The following ASB1 variants were observed in gnomAD, a reference collection of about 807,000 sequenced individuals.
The protein encoded by ASB1 is ankyrin repeat and SOCS box containing 1.
Under a neutral mutation model 27.7 loss-of-function variants are expected in ASB1, and 18 were observed. The observed-to-expected ratio is 0.65, with a 90% confidence interval of 0.45 to 0.96. The LOEUF (loss-of-function observed/expected upper bound fraction) is 0.96, where lower values mean the gene tolerates loss of function less well. ASB1 is among the 50% of genes least tolerant of loss of function. ASB1 has a pLI of 0.00. For missense variants in ASB1, 397 were observed against 451.7 expected (o/e 0.88, Z 1.10); for synonymous variants, 189 against 187.6 (o/e 1.01, Z -0.06).
chr2:238,427,182 G>C (rs1312239225), intron 1 of ASB1, 63 bp downstream of exon 1: 2 of 1,165,420 alleles, frequency 1.7e-6, no homozygotes, highest in African/African-American at 1.6e-5. Context: ...TGGCTCCGGC[G>C]TCCCTGCCGA....
rs1194851091 is a variant in ASB1, at chr2:238,449,940, C to G, written c.*3429C>G. 1 of 152,130 alleles carries G rather than the reference C, an allele frequency of 6.6e-6. No homozygotes were observed. Among genetic ancestry groups the G allele is most frequent in the Non-Finnish European group, 1.5e-5 (1 of 68,044 alleles). The allele number at this position is 152,130 out of a possible 1,614,324, so 9.4% of individuals were successfully genotyped here. A position where few individuals can be genotyped will look rare whatever the true frequency, so the allele number is the denominator to read the frequency against. On this transcript the variant is annotated 3_prime_UTR_variant, in exon 5 of 5. Transcript: ENST00000264607. Reference sequence around the variant, plus strand: ...AGAGAGACGCTTGGCCTGTGCTTTGCTGCCATCCGTGCGGCCTTGGCCACA... The same window carrying G: ...AGAGAGACGCTTGGCCTGTGCTTTGGTGCCATCCGTGCGGCCTTGGCCACA...
chr2:238,446,556 G>T lies in ASB1; in HGVS notation c.*45G>T, dbSNP rs746275175. On this transcript the variant is annotated 3_prime_UTR_variant, in exon 5 of 5. Coordinates refer to ENST00000264607, the MANE Select transcript of ASB1 (RefSeq NM_001040445.3). ...ATTCCAGTGAGGGAGAAAGTGATCT[G>T]CAGGGAGGTGGACACCGAGCCCTGA... The T allele has an allele frequency of 7.5e-6, 12 of 1,607,062 alleles. No homozygotes were observed. The East Asian group carries it at 2.2e-4, about 30-fold the overall frequency.
chr2:238,442,467 A>T (rs1363729082), intron 3 of ASB1, among the ~76,000 whole-genome samples: 1 of 152,132 alleles, frequency 6.6e-6, no homozygotes, highest in Non-Finnish European at 1.5e-5. Flanking sequence ...GAAGCTCTTT[A>T]TACGTTAAGG....
At chr2:238,444,192 GCTAT>G in intron 3 of ASB1, 146 bp from the exon 4 acceptor site, 1 of 711,304 alleles carries the variant, frequency 1.4e-6, no homozygotes, top group South Asian at 2.7e-5. Context: ...ACGTAGTGAA[GCTAT>G]CTGATCTGTG....
intron 1 of ASB1, among the ~76,000 whole-genome samples, chr2:238,432,992 C>G (rs577086651): frequency 6.6e-6 from 1 of 152,086 alleles, no homozygotes; most frequent in Non-Finnish European, 1.5e-5. Flanking sequence ...GTGATCTGCC[C>G]GCCTCGGCCT....
chr2:238,445,307 C>G (rs995819589), intron 4 of ASB1, among the ~76,000 whole-genome samples: 7 of 152,158 alleles, frequency 4.6e-5, no homozygotes, highest in Non-Finnish European at 5.9e-5. Flanking sequence ...TCCTTTTGCT[C>G]TGACCTGTGG....
At chr2:238,436,129 C>G (rs1035696080) in intron 3 of ASB1, 116 bp downstream of exon 3, 2 of 1,052,670 alleles carry the variant, frequency 1.9e-6, no homozygotes, top group Non-Finnish European at 2.6e-6. Context: ...GTTTTGCTGG[C>G]CTTTGTAAAG....
At chr2:238,440,292 A>G (rs539495320) in intron 3 of ASB1, among the ~76,000 whole-genome samples, 9 of 152,220 alleles carry the variant, frequency 5.9e-5, no homozygotes, top group Middle Eastern at 3.4e-3. Context: ...ATGCCCTCCT[A>G]TTGGACCAAG....
At chr2:238,442,212 G>A (rs1192111747) in intron 3 of ASB1, among the ~76,000 whole-genome samples, 3 of 150,490 alleles carry the variant, frequency 2.0e-5, no homozygotes, top group African/African-American at 4.9e-5. Flanking sequence ...TCCGCCTCCC[G>A]GGTTGAAGCA....
At chr2:238,430,139 T>A (rs959343552) in intron 1 of ASB1, among the ~76,000 whole-genome samples, 1 of 152,214 alleles carries the variant, frequency 6.6e-6, no homozygotes, top group African/African-American at 2.4e-5. Context: ...TAGATGACAG[T>A]GAAGTTTGCC....
rs1553626862 is a variant in ASB1, at chr2:238,451,452, G to GTGCCC, written c.*4955_*4959dup. On this transcript the variant is annotated 3_prime_UTR_variant, in exon 5 of 5. Transcript: ENST00000264607. ...AGTTGCTGCTGTAATTTAGCCAGCA[G>GTGCCC]TGCCCTGCCCTGCCCTGCAGTGTCT... 3 of 152,340 alleles carry GTGCCC rather than the reference G, an allele frequency of 2.0e-5. No individual in the cohort carries two copies. The highest frequency in any genetic ancestry group is 6.5e-5 in the Admixed American group (1 of 15,286). The allele number at this position is 152,340 out of a possible 1,614,324, so 9.4% of individuals were successfully genotyped here.
intron 1 of ASB1, among the ~76,000 whole-genome samples, chr2:238,430,979 T>G (rs1445500332): frequency 6.6e-6 from 1 of 152,242 alleles, no homozygotes; most frequent in East Asian, 1.9e-4. Flanking sequence ...TTTGGAATGG[T>G]GAATGAACAC....
chr2:238,426,995 A>C lies in ASB1; in HGVS notation c.-76A>C. Reference sequence around the variant, plus strand: ...GCCCCCCATTGCCCTCGGCGCCGGAAGTGGTCGCGGGTCGTTCTGCTTCCT... The same window carrying C: ...GCCCCCCATTGCCCTCGGCGCCGGACGTGGTCGCGGGTCGTTCTGCTTCCT... On this transcript the variant is annotated 5_prime_UTR_variant, in exon 1 of 5. Transcript: ENST00000264607. 8.6e-7 allele frequency: 1 copy of C among 1,159,442 alleles called. No homozygotes were observed. The allele number at this position is 1,159,442 out of a possible 1,614,324, so 71.8% of individuals were successfully genotyped here. A position where few individuals can be genotyped will look rare whatever the true frequency, so the allele number is the denominator to read the frequency against.
chr2:238,431,060 G>A (rs575054886), intron 1 of ASB1, among the ~76,000 whole-genome samples: 2 of 152,350 alleles, frequency 1.3e-5, no homozygotes, highest in East Asian at 1.9e-4. Flanking sequence ...AAGCTTTGAC[G>A]CTAGGCATTG....
chr2:238,434,868 A>G (rs1478159052), intron 2 of ASB1, among the ~76,000 whole-genome samples: 1 of 151,746 alleles, frequency 6.6e-6, no homozygotes, highest in African/African-American at 2.4e-5. Context: ...TCCCATTGCT[A>G]TTTGCTTCTT....
intron 4 of ASB1, among the ~76,000 whole-genome samples, chr2:238,445,387 A>G (rs991828425): frequency 6.6e-6 from 1 of 152,184 alleles, no homozygotes; most frequent in African/African-American, 2.4e-5. Flanking sequence ...ACAAATTGCA[A>G]GCGGGGCTTT....
chr2:238,430,100 C>T (rs966392146), intron 1 of ASB1, among the ~76,000 whole-genome samples: 1 of 152,158 alleles, frequency 6.6e-6, no homozygotes, highest in African/African-American at 2.4e-5. Context: ...ATTGATGGCT[C>T]CTGACTTATC....
intron 4 of ASB1, 67 bp downstream of exon 4, chr2:238,444,794 A>C: frequency 6.7e-7 from 1 of 1,486,992 alleles, no homozygotes; most frequent in Middle Eastern, 2.4e-4. Flanking sequence ...ATGTAGCAAT[A>C]AACAAAAAAC....
chr2:238,444,828 G>A lies in ASB1; in HGVS notation c.880+101G>A, dbSNP rs188721942. ...ACAAAAACCTCCACCTGAGCACTTG[G>A]CCAAAATCTTCAGTTAGAACTCGCA... On this transcript the variant is annotated intron_variant, in intron 4 of 4. Coordinates refer to ENST00000264607, the MANE Select transcript of ASB1 (RefSeq NM_001040445.3). 1,816 of 1,345,842 alleles carry A rather than the reference G, an allele frequency of 1.3e-3. 4 individuals are homozygous for A. The highest frequency in any genetic ancestry group is 1.7e-3 in the Non-Finnish European group (1,749 of 1,012,412). 83.4% of individuals were successfully genotyped at this position (1,345,842 alleles called of 1,614,324 possible).
Sources: allele counts gnomAD v4.1 joint callset (sites outside exome capture counted in the v4.1 genomes callset), GRCh38; gene constraint gnomAD v4.1.1; transcripts MANE v1.5; gene names NCBI Gene and HGNC (gene_info 2026-07-23, HGNC 2026-07-21).